The following ZMYND11 variants were observed in gnomAD, a reference collection of about 807,000 sequenced individuals.
ZMYND11 encodes the protein zinc finger MYND domain-containing protein 11.
Under a neutral mutation model 84.9 loss-of-function variants are expected in ZMYND11, and 9 were observed. That is an observed-to-expected ratio of 0.11 (90% CI 0.06 to 0.18). The LOEUF is 0.18. Ranked by LOEUF, ZMYND11 falls within the 10% of genes least tolerant of loss-of-function variation. The pLI is 1.00. For missense variants in ZMYND11, 409 were observed against 761.0 expected, an observed-to-expected ratio of 0.54 and a Z score of 5.44; for synonymous variants, 250 against 244.1, an observed-to-expected ratio of 1.02 and a Z score of -0.23.
At position 236,861 on chromosome 10, in the gene ZMYND11, C is replaced by G; in HGVS notation, c.462C>G (p.Asn154Lys). Residue 154 changes from asparagine (N) to lysine (K), a missense_variant, in exon 5 of 15, where the codon AAC becomes AAG. Around this residue, in one of 7 missense-constraint regions of ZMYND11, gnomAD observed 53 missense variants for 71.1 expected, o/e 0.75. Coordinates refer to ENST00000381604, the MANE Select transcript of ZMYND11 (RefSeq NM_001370100.5). The stretch of plus-strand genomic sequence containing the variant: ...AGAGCATTAAGAAGAAGAATACAAA[C>G]AAACAGGAGATGGGCACATACCTCA... ...VCRSIKKKNT[N>K]KQEMGTYLRF... 6.2e-7 allele frequency: 1 copy of G among 1,611,906 alleles called. No individual in the cohort carries two copies. The highest frequency in any genetic ancestry group is 8.5e-7 in the Non-Finnish European group (1 of 1,179,220).
intron 4 of ZMYND11, among the ~76,000 whole-genome samples, chr10:224,856 A>G (rs188923497): frequency 6.6e-6 from 1 of 152,198 alleles, no homozygotes; most frequent in African/African-American, 2.4e-5. Flanking sequence ...CAAAGGTGAC[A>G]TATGCAAATG....
intron 1 of ZMYND11, among the ~76,000 whole-genome samples, chr10:136,923 C>T (rs1247100995): frequency 1.3e-5 from 2 of 152,114 alleles, no homozygotes; most frequent in Non-Finnish European, 2.9e-5. Flanking sequence ...ATGTCATATA[C>T]GTTAGGTATA....
At chr10:246,709 A>G in intron 10 of ZMYND11, 57 bp from the exon 11 acceptor site, 1 of 1,551,558 alleles carries the variant, frequency 6.4e-7, no homozygotes, top group South Asian at 1.1e-5. Flanking sequence ...GCCCTCTTTT[A>G]CCACCCTTCC....
chr10:169,631 CACTA>C (rs1260400569), intron 1 of ZMYND11, among the ~76,000 whole-genome samples: 1 of 152,106 alleles, frequency 6.6e-6, no homozygotes, highest in Non-Finnish European at 1.5e-5. Context: ...AGATCAAAAA[CACTA>C]ACAGACCGTA....
intron 4 of ZMYND11, among the ~76,000 whole-genome samples, chr10:231,959 T>TA (rs1249070308): frequency 6.6e-6 from 1 of 152,208 alleles, no homozygotes; most frequent in African/African-American, 2.4e-5. Context: ...CACCAGGTGA[T>TA]ACGAACTCTG....
intron 4 of ZMYND11, among the ~76,000 whole-genome samples, chr10:235,767 G>C (rs1268765941): frequency 6.6e-6 from 1 of 152,196 alleles, no homozygotes; most frequent in Non-Finnish European, 1.5e-5. Context: ...GGTGAGAAGT[G>C]GGGTCAGGAA....
intron 4 of ZMYND11, among the ~76,000 whole-genome samples, chr10:230,253 T>C (rs1327523714): frequency 6.6e-6 from 1 of 151,882 alleles, no homozygotes; most frequent in Admixed American, 6.6e-5. Flanking sequence ...GGCGGGCGGA[T>C]CATGAGGTCA....
intron 14 of ZMYND11, among the ~76,000 whole-genome samples, chr10:251,156 A>G (rs1953404922): frequency 6.6e-6 from 1 of 152,256 alleles, no homozygotes; most frequent in South Asian, 2.1e-4. Context: ...AGATAGATGT[A>G]TCCATTAAAT....
At chr10:165,653 T>G (rs188380794) in intron 1 of ZMYND11, among the ~76,000 whole-genome samples, 1 of 152,252 alleles carries the variant, frequency 6.6e-6, no homozygotes, top group Non-Finnish European at 1.5e-5. Flanking sequence ...AGCATTATCC[T>G]TGACACTCAC....
chr10:235,120 C>T (rs960299650), intron 4 of ZMYND11, among the ~76,000 whole-genome samples: 3 of 152,118 alleles, frequency 2.0e-5, no homozygotes, highest in African/African-American at 7.2e-5. Flanking sequence ...TCACATTGTA[C>T]ACCATTAAGT....
At chr10:226,087 A>G (rs942603807) in intron 4 of ZMYND11, among the ~76,000 whole-genome samples, 4 of 152,196 alleles carry the variant, frequency 2.6e-5, no homozygotes, top group Non-Finnish European at 5.9e-5. Context: ...CTAAATGCCT[A>G]TACCACTCCA....
intron 12 of ZMYND11, 47 bp downstream of exon 12, chr10:247,513 A>ATATTTTCAAAGTATTTTG: frequency 1.3e-6 from 2 of 1,574,668 alleles, no homozygotes; most frequent in East Asian, 2.3e-5. Context: ...GAAACAGGAA[A>ATATTTTCAAAGTATTTTG]TATTTTCAAA....
chr10:187,633 CAAAAA>C (rs55992888), intron 2 of ZMYND11, among the ~76,000 whole-genome samples: 1 of 136,190 alleles, frequency 7.3e-6, no homozygotes. Context: ...GACTCCGTCT[CAAAAA>C]AAAAAAAAAA....
chr10:227,033 T>C (rs1429403078), intron 4 of ZMYND11, among the ~76,000 whole-genome samples: 1 of 152,196 alleles, frequency 6.6e-6, no homozygotes, highest in African/African-American at 2.4e-5. Context: ...AATGTACAAA[T>C]TGTAGGGTGA....
chr10:224,064 C>A (rs1364951081), intron 4 of ZMYND11, among the ~76,000 whole-genome samples: 1 of 152,038 alleles, frequency 6.6e-6, no homozygotes, highest in Non-Finnish European at 1.5e-5. Flanking sequence ...GGAAGCTAAC[C>A]ATTACTACCT....
At chr10:145,198 GTGTGTGTATATATATGTATATA>G (rs1456724965) in intron 1 of ZMYND11, among the ~76,000 whole-genome samples, 2 of 148,584 alleles carry the variant, frequency 1.3e-5, no homozygotes, top group Non-Finnish European at 3.0e-5. Flanking sequence ...ATATACATAT[GTGTGTGTATATATATGTATATA>G]TGTGTGTATA....
intron 4 of ZMYND11, among the ~76,000 whole-genome samples, chr10:233,314 A>G (rs1208904515): frequency 6.6e-6 from 1 of 152,154 alleles, no homozygotes; most frequent in Non-Finnish European, 1.5e-5. Context: ...AGTCCCATCA[A>G]GCTACGGGGA....
At position 240,042 on chromosome 10, in the gene ZMYND11, A is replaced by G. The variant is rs1208524739; in HGVS notation, c.698-14A>G. ...AGACTATTGCTTATAGGTAATATCT[A>G]TTTTTAATTACAGCAGACAGTGAGC... is the stretch of plus-strand genomic sequence containing the variant. On this transcript the variant is annotated splice_polypyrimidine_tract_variant and intron_variant, in intron 7 of 14. Transcript: ENST00000381604. 8.7e-6 allele frequency: 14 copies of G among 1,606,728 alleles called. No individual in the cohort carries two copies. Among genetic ancestry groups the G allele is most frequent in the African/African-American group, 4.0e-5 (3 of 74,668 alleles).
Position 217,276 on chromosome 10 carries a change from G to A in ZMYND11, c.277-3919G>A, listed in dbSNP as rs1486723190. ...GGGCTGGGTGCAGTAGCTCACACCT[G>A]TAATCCTAGCACTTTGGGCAGATTG... On this transcript the variant is annotated intron_variant, in intron 3 of 14. Coordinates refer to ENST00000381604, the MANE Select transcript of ZMYND11 (RefSeq NM_001370100.5). Among the ~76,000 whole-genome samples, 4 of 152,162 alleles carry A rather than the reference G, an allele frequency of 2.6e-5. No individual in the cohort carries two copies. The East Asian group carries it at 7.7e-4, about 29-fold the overall frequency.
Sources: gnomAD v4.1 joint callset for allele counts (sites outside exome capture counted in the v4.1 genomes callset) on GRCh38, gnomAD v4.1.1 for gene constraint, gnomAD v4.1.1 regional missense constraint, MANE v1.5 for transcripts, NCBI Gene and HGNC (gene_info 2026-07-23, HGNC 2026-07-21) for gene names.